MYRF: variants seen among roughly 807,000 people sequenced by gnomAD.
MYRF encodes the protein myelin regulatory factor.
Under a neutral mutation model 126.3 loss-of-function variants are expected in MYRF, and 16 were observed. That is an observed-to-expected ratio of 0.13 (90% CI 0.09 to 0.19). The LOEUF (loss-of-function observed/expected upper bound fraction) is 0.19, where lower values mean the gene tolerates loss of function less well. Ranked by LOEUF, MYRF falls within the 10% of genes least tolerant of loss-of-function variation. The probability of loss-of-function intolerance (pLI) is 1.00; values close to 1 mark genes in which losing one functional copy is unlikely to be tolerated. For synonymous variants in MYRF, 608 were observed against 635.3 expected (o/e 0.96, Z 0.65); for missense variants, 1,104 against 1,547.0 (o/e 0.71, Z 4.80).
At chr11:61,762,778 G>A (rs1381492829) in intron 1 of MYRF, among the ~76,000 whole-genome samples, 2 of 152,118 alleles carry the variant, frequency 1.3e-5, no homozygotes, top group Non-Finnish European at 2.9e-5. Context: ...TCCTCAGGAG[G>A]CCCTCCGAGC....
intron 1 of MYRF, among the ~76,000 whole-genome samples, chr11:61,756,795 G>C (rs1239994350): frequency 4.6e-5 from 7 of 152,062 alleles, no homozygotes; most frequent in African/African-American, 1.7e-4. Context: ...ACTCTCCTGA[G>C]ACTGGAAGGC....
rs768811855 is a variant in MYRF, at chr11:61,778,997, A to G, written c.2014-266A>G. ...AGGCTTAGGAGAGGAGAGCTCTGGC[A>G]GGGAGTGGGGAGGGCCATTCAGGCA... On this transcript the variant is annotated intron_variant, in intron 14 of 26. Transcript: ENST00000278836. This position sits in a 1 kb window ranked among gnomAD's most constrained non-coding sequence, Gnocchi z 4.6. The G allele has an allele frequency of 7.7e-6, 5 of 647,146 alleles. No homozygotes were observed. Among genetic ancestry groups the G allele is most frequent in the Non-Finnish European group, 1.4e-5 (5 of 349,826 alleles). The allele number at this position is 647,146 out of a possible 1,614,324, so 40.1% of individuals were successfully genotyped here. A position where few individuals can be genotyped will look rare whatever the true frequency, so the allele number is the denominator to read the frequency against.
chr11:61,767,101 G>A (rs1446164787), intron 3 of MYRF: 1 of 456,400 alleles, frequency 2.2e-6, no homozygotes, highest in Non-Finnish European at 4.4e-6. Context: ...GGTGCATGGT[G>A]GCCATGGACA....
At position 61,778,604 on chromosome 11, in the gene MYRF, C is replaced by T. The variant is rs1007845623; in HGVS notation, c.2013+115C>T. 4.6e-5 allele frequency: 36 copies of T among 782,340 alleles called. No homozygotes were observed. The highest frequency in any genetic ancestry group is 2.3e-4 in the Middle Eastern group (1 of 4,434). The allele number at this position is 782,340 out of a possible 1,614,324, so 48.5% of individuals were successfully genotyped here. On this transcript the variant is annotated intron_variant, in intron 14 of 26. Transcript: ENST00000278836. The surrounding 1 kb of genome is among the most constrained non-coding windows in gnomAD (Gnocchi z 4.6). ...TGCAAAGCAGAGGCAGGAGCACCCT[C>T]GGCTCTCATGCTGCCTCCAGAGCGC...
Position 61,776,056 on chromosome 11 carries a change from C to T in MYRF, c.1312C>T (p.Leu438=). The T allele has an allele frequency of 6.2e-7, 1 of 1,613,918 alleles. No homozygotes were observed. Among genetic ancestry groups the T allele is most frequent in the South Asian group, 1.1e-5 (1 of 91,084 alleles). Residue 438 remains leucine (L), a splice_region_variant and synonymous_variant, in exon 9 of 27, where the codon CTG becomes TTG. Coordinates refer to ENST00000278836, the MANE Select transcript of MYRF (RefSeq NM_001127392.3). This position sits in a 1 kb window ranked among gnomAD's most constrained non-coding sequence, Gnocchi z 4.3. Reference sequence around the variant, plus strand: ...GTGCCACTGGCTTCACTCCCCACAGCTGGAGGCCCTGAACCAGTCCATTAA... The same window carrying T: ...GTGCCACTGGCTTCACTCCCCACAGTTGGAGGCCCTGAACCAGTCCATTAA... ...CFYLKLHGVK[L]EALNQSINIE... is the part of the protein sequence containing the mutation.
At chr11:61,785,259 G>C (rs188227656) in intron 25 of MYRF, 1 of 156,518 alleles carries the variant, frequency 6.4e-6, no homozygotes, top group Non-Finnish European at 1.4e-5. Flanking sequence ...CATGGTGCTC[G>C]GGCCTGAAAC....
At chr11:61,753,727 C>A (rs1213749722) in intron 1 of MYRF, among the ~76,000 whole-genome samples, 1 of 152,144 alleles carries the variant, frequency 6.6e-6, no homozygotes, top group Non-Finnish European at 1.5e-5. Context: ...CCCACCCCTA[C>A]ATTGGTTTTG....
chr11:61,772,099 C>T, intron 7 of MYRF, 147 bp downstream of exon 7: 1 of 1,221,968 alleles, frequency 8.2e-7, no homozygotes, highest in South Asian at 1.5e-5. Context: ...CCAGGACTGG[C>T]AGTCAGGGCT....
intron 8 of MYRF, 142 bp downstream of exon 8, chr11:61,774,304 A>G (rs2066312099): frequency 1.3e-6 from 1 of 744,730 alleles, no homozygotes; most frequent in African/African-American, 1.8e-5. Context: ...AGATCACTTG[A>G]GGTCAGGAGT....
At chr11:61,754,628 C>T (rs2065693044) in intron 1 of MYRF, among the ~76,000 whole-genome samples, 1 of 152,172 alleles carries the variant, frequency 6.6e-6, no homozygotes, top group Non-Finnish European at 1.5e-5. Context: ...GACTCCCTGG[C>T]TCCCTCCTGA....
intron 3 of MYRF, chr11:61,766,811 G>A: frequency 2.9e-6 from 1 of 345,176 alleles, no homozygotes; most frequent in Non-Finnish European, 5.7e-6. Context: ...AGACTCCAGG[G>A]CAGCTCCCGG....
chr11:61,778,734 G>GC lies in MYRF; in HGVS notation c.2013+247dup, dbSNP rs200948821. Reference sequence around the variant, plus strand: ...AAGGGCAAGAGAAACCCTGTGGAGGGCCATGGCCTTCCACCCCCGGTAAAA... The same window carrying GC: ...AAGGGCAAGAGAAACCCTGTGGAGGGCCCATGGCCTTCCACCCCCGGTAAAA... On this transcript the variant is annotated intron_variant, in intron 14 of 26. Coordinates refer to ENST00000278836, the MANE Select transcript of MYRF (RefSeq NM_001127392.3). The surrounding 1 kb of genome is among the most constrained non-coding windows in gnomAD (Gnocchi z 4.6). The GC allele has an allele frequency of 1.8e-3, 1,165 of 642,288 alleles. 13 individuals carry two copies. Among genetic ancestry groups the GC allele is most frequent in the African/African-American group, 0.016 (925 of 56,088 alleles). 39.8% of individuals were successfully genotyped at this position (642,288 alleles called of 1,614,324 possible).
chr11:61,781,885 C>A, intron 22 of MYRF, 61 bp downstream of exon 22: 1 of 1,467,328 alleles, frequency 6.8e-7, no homozygotes, highest in East Asian at 2.4e-5. Flanking sequence ...GGCCAGGGCC[C>A]ACCTCAGCCC....
chr11:61,776,127 G>A lies in MYRF; in HGVS notation c.1383G>A (p.Pro461=), dbSNP rs200085065. ...QSDRSKRPFN[P]VTVNLPPEQV... ...ACCGGAGCAAGCGGCCCTTCAACCCGGTCACGTGAGTGTCTGACCCTGTTG... is the reference window on the plus strand; with the variant it reads ...ACCGGAGCAAGCGGCCCTTCAACCCAGTCACGTGAGTGTCTGACCCTGTTG... Residue 461 remains proline, a synonymous_variant, in exon 9 of 27, where the codon CCG becomes CCA. Coordinates refer to ENST00000278836, the MANE Select transcript of MYRF (RefSeq NM_001127392.3). This position sits in a 1 kb window ranked among gnomAD's most constrained non-coding sequence, Gnocchi z 4.3. 3.1e-6 allele frequency: 5 copies of A among 1,614,000 alleles called. No homozygotes were observed. The highest frequency in any genetic ancestry group is 1.3e-5 in the African/African-American group (1 of 75,030).
In MYRF at chr11:61,787,555, C is replaced by A. The variant is rs2066722247; in HGVS notation, c.*1412C>A. 1.3e-5 allele frequency: 2 copies of A among 152,860 alleles called. No homozygotes were observed. Among genetic ancestry groups the A allele is most frequent in the South Asian group, 4.1e-4 (2 of 4,826 alleles). The allele number at this position is 152,860 out of a possible 1,614,324, so 9.5% of individuals were successfully genotyped here. A position where few individuals can be genotyped will look rare whatever the true frequency, so the allele number is the denominator to read the frequency against. On this transcript the variant is annotated 3_prime_UTR_variant, in exon 27 of 27. Coordinates refer to ENST00000278836, the MANE Select transcript of MYRF (RefSeq NM_001127392.3). The stretch of plus-strand genomic sequence containing the variant: ...ATGGGAGGCCTTTCTATAGTGGAGG[C>A]CTTTCCTTGAAGCCTATGAACTGCA...
intron 8 of MYRF, among the ~76,000 whole-genome samples, chr11:61,775,153 G>A (rs2066341069): frequency 6.6e-6 from 1 of 152,148 alleles, no homozygotes; most frequent in South Asian, 2.1e-4. Flanking sequence ...AATGTCCACA[G>A]CAGCTGGGAC....
chr11:61,784,259 G>T (rs2066631458), intron 24 of MYRF, 21 bp from the exon 25 acceptor site: 1 of 1,610,040 alleles, frequency 6.2e-7, no homozygotes, highest in South Asian at 1.1e-5. Context: ...TCATTTCTCT[G>T]CTAACTGGGC....
chr11:61,765,416 G>A (rs1370627332), intron 1 of MYRF, among the ~76,000 whole-genome samples: 1 of 152,122 alleles, frequency 6.6e-6, no homozygotes, highest in Non-Finnish European at 1.5e-5. Flanking sequence ...TGGCCTTGTG[G>A]TGGGGCGGGG....
At chr11:61,784,172 G>A in intron 24 of MYRF, 108 bp from the exon 25 acceptor site, 2 of 1,133,176 alleles carry the variant, frequency 1.8e-6, no homozygotes, top group Non-Finnish European at 2.5e-6. Context: ...ATTATGCGGT[G>A]TTTCAGGCTG....
Sources: allele counts gnomAD v4.1 joint callset (sites outside exome capture counted in the v4.1 genomes callset), GRCh38; gene constraint gnomAD v4.1.1; non-coding constraint Gnocchi (gnomAD v3.1); transcripts MANE v1.5; gene names NCBI Gene and HGNC (gene_info 2026-07-23, HGNC 2026-07-21).